Variants in NMNAT1 observed in about 807,000 individuals in gnomAD.
NMNAT1 encodes the protein nicotinamide/nicotinic acid mononucleotide adenylyltransferase 1.
A neutral mutation model predicts 16.7 loss-of-function variants in NMNAT1; 11 were observed. That is an observed-to-expected ratio of 0.66 (90% CI 0.41 to 1.09). NMNAT1 has a LOEUF of 1.09. NMNAT1 is among the 50% of genes least tolerant of loss of function. NMNAT1 has a pLI of 0.00. For synonymous variants in NMNAT1, 110 were observed against 119.8 expected, an observed-to-expected ratio of 0.92 and a Z score of 0.53; for missense variants, 280 against 332.3, an observed-to-expected ratio of 0.84 and a Z score of 1.22.
downstream of NMNAT1, among the ~76,000 whole-genome samples, chr1:9,989,009 T>C (rs1218221422): frequency 6.6e-6 from 1 of 152,096 alleles, no homozygotes; most frequent in East Asian, 1.9e-4. Flanking sequence ...GGCAGAGAAA[T>C]TCTGGGCAGA....
intron 1 of NMNAT1, among the ~76,000 whole-genome samples, chr1:9,965,727 G>A: frequency 6.6e-6 from 1 of 152,084 alleles, no homozygotes; most frequent in East Asian, 1.9e-4. Flanking sequence ...TGAAGTCCAA[G>A]CACAGTAGCT....
At chr1:9,954,171 C>A (rs1641192930) in intron 1 of NMNAT1, among the ~76,000 whole-genome samples, 1 of 152,060 alleles carries the variant, frequency 6.6e-6, no homozygotes. Context: ...TAAAATATTT[C>A]TTAAACTTCT....
At chr1:9,979,589 A>C (rs1450583588) in intron 3 of NMNAT1, among the ~76,000 whole-genome samples, 1 of 152,118 alleles carries the variant, frequency 6.6e-6, no homozygotes, top group Non-Finnish European at 1.5e-5. Context: ...TCACAAGGTC[A>C]GGAGATCGAG....
At chr1:9,963,628 C>T (rs188424094) in intron 1 of NMNAT1, among the ~76,000 whole-genome samples, 67 of 152,046 alleles carry the variant, frequency 4.4e-4, no homozygotes, top group African/African-American at 1.6e-3. Flanking sequence ...AGGCTGGTCT[C>T]GAACTTCTGA....
In NMNAT1 at chr1:9,972,158, G is replaced by A. The variant is rs767034910; in HGVS notation, c.85G>A (p.Glu29Lys). ...CACCAACATGCACCTCAGGTTGTTTGAGCTGGCCAAGGACTACATGAATGG... is the reference window on the plus strand; with the variant it reads ...CACCAACATGCACCTCAGGTTGTTTAAGCTGGCCAAGGACTACATGAATGG... ...PITNMHLRLF[E>K]LAKDYMNGTG... is the part of the protein sequence containing the mutation. The change falls in exon 2 of 5, where the codon GAG becomes AAG. Residue 29 changes from glutamate to lysine, a missense_variant. By Grantham distance (56) the Glu-to-Lys change is moderately conservative. Transcript: ENST00000377205. 6.2e-7 allele frequency: 1 copy of A among 1,611,440 alleles called. No individual in the cohort carries two copies. Among genetic ancestry groups the A allele is most frequent in the South Asian group, 1.1e-5 (1 of 91,016 alleles).
At chr1:9,955,504 C>T (rs148557573) in intron 1 of NMNAT1, among the ~76,000 whole-genome samples, 3,078 of 151,786 alleles carry the variant, frequency 0.02, 119 homozygotes, top group Admixed American at 0.094. Flanking sequence ...ACTAGGGAGG[C>T]TGAGGCAGGA....
intron 1 of NMNAT1, among the ~76,000 whole-genome samples, chr1:9,949,008 G>A (rs1226618983): frequency 6.6e-6 from 1 of 151,130 alleles, no homozygotes; most frequent in Non-Finnish European, 1.5e-5. Context: ...GGTGGCTCAC[G>A]CCTGTAATCC....
At chr1:9,943,420 G>A (rs1640870300), upstream of NMNAT1, 1 of 152,352 alleles carries the variant, frequency 6.6e-6, no homozygotes, top group South Asian at 2.1e-4. Context: ...CGGCCCCCTG[G>A]AACCAATGAG....
At chr1:9,993,242 G>T in the NMNAT1 span, among the ~76,000 whole-genome samples, 497 of 152,234 alleles carry the variant, frequency 3.3e-3, 5 homozygotes, top group African/African-American at 0.011. Context: ...ACTTCAGGAG[G>T]CCTAGGTGGG....
At chr1:9,978,390 C>T (rs1641861896) in intron 3 of NMNAT1, among the ~76,000 whole-genome samples, 1 of 152,178 alleles carries the variant, frequency 6.6e-6, no homozygotes, top group Non-Finnish European at 1.5e-5. Context: ...TCCACAGTCC[C>T]AGGATGATGG....
chr1:9,969,744 C>G (rs1382341140), intron 1 of NMNAT1, among the ~76,000 whole-genome samples: 2 of 152,004 alleles, frequency 1.3e-5, no homozygotes, highest in African/African-American at 2.4e-5. Context: ...GAGGGAGACT[C>G]TGTCTCAAAA....
rs1471406235 is a variant in NMNAT1, at chr1:9,982,334, A to T, written c.473A>T (p.Asp158Val). ...VPKVKLLCGA[D>V]LLESFAVPNL... The stretch of plus-strand genomic sequence containing the variant: ...AAGGTCAAGCTGCTGTGTGGGGCAG[A>T]TTTATTGGAGTCCTTTGCTGTTCCC... Residue 158 changes from aspartate (D) to valine (V), a missense_variant, in exon 5 of 5, where the codon GAT (aspartate) becomes GTT (valine). Asp to Val is a radical substitution (Grantham distance 152). Coordinates refer to ENST00000377205, the MANE Select transcript of NMNAT1 (RefSeq NM_022787.4). 6.2e-7 allele frequency: 1 copy of T among 1,613,920 alleles called. No homozygotes were observed. Among genetic ancestry groups the T allele is most frequent in the Non-Finnish European group, 8.5e-7 (1 of 1,179,946 alleles).
At chr1:9,948,433 C>G (rs968261835) in intron 1 of NMNAT1, among the ~76,000 whole-genome samples, 2 of 151,860 alleles carry the variant, frequency 1.3e-5, no homozygotes, top group Non-Finnish European at 2.9e-5. Context: ...AAAGAGTAGC[C>G]AGGTCTGGTG....
chr1:9,975,931 C>G (rs768318026), intron 3 of NMNAT1, among the ~76,000 whole-genome samples, 156 bp downstream of exon 3: 1 of 152,188 alleles, frequency 6.6e-6, no homozygotes, highest in African/African-American at 2.4e-5. Context: ...TACTACAAGA[C>G]TGTAGAGCAC....
At chr1:9,968,715 G>T (rs1346774819) in intron 1 of NMNAT1, among the ~76,000 whole-genome samples, 3 of 145,774 alleles carry the variant, frequency 2.1e-5, no homozygotes, top group Non-Finnish European at 3.0e-5. Context: ...AGCTTGCAGT[G>T]AGTCGAGATC....
rs1393751840 is a variant in NMNAT1, at chr1:9,984,370, T to G, written c.*1669T>G. On this transcript the variant is annotated 3_prime_UTR_variant, in exon 5 of 5. Transcript: ENST00000377205. ...CCTGATCCTATTGTTGCACTATTTATGGAGCAACAACTTTGTACAAAGAAC... is the reference window on the plus strand; with the variant it reads ...CCTGATCCTATTGTTGCACTATTTAGGGAGCAACAACTTTGTACAAAGAAC... 1.3e-5 allele frequency: 2 copies of G among 152,196 alleles called. No homozygotes were observed. The highest frequency in any genetic ancestry group is 4.8e-5 in the African/African-American group (2 of 41,444). The allele number at this position is 152,196 out of a possible 1,614,324, so 9.4% of individuals were successfully genotyped here.
At chr1:9,967,821 A>T (rs1405746288) in intron 1 of NMNAT1, among the ~76,000 whole-genome samples, 1 of 151,918 alleles carries the variant, frequency 6.6e-6, no homozygotes, top group African/African-American at 2.4e-5. Flanking sequence ...CTCTACAAAA[A>T]ATACAAAAAA....
intron 1 of NMNAT1, chr1:9,947,659 A>T (rs1429398976): frequency 6.6e-6 from 1 of 152,172 alleles, no homozygotes; most frequent in Non-Finnish European, 1.5e-5. Flanking sequence ...TAGGCCAAAA[A>T]CTTTTGGAGT....
the NMNAT1 span, among the ~76,000 whole-genome samples, chr1:9,995,094 T>C: frequency 6.6e-6 from 1 of 151,636 alleles, no homozygotes; most frequent in African/African-American, 2.4e-5. Flanking sequence ...GGAGAGGTCA[T>C]AAATTGACAT....
Sources: allele counts gnomAD v4.1 joint callset (sites outside exome capture counted in the v4.1 genomes callset), GRCh38; gene constraint gnomAD v4.1.1; transcripts MANE v1.5; gene names NCBI Gene and HGNC (gene_info 2026-07-23, HGNC 2026-07-21).